Variants in ULK4 observed in about 807,000 individuals in gnomAD.
The protein encoded by ULK4 is inactive serine/threonine-protein kinase ULK4.
A neutral mutation model predicts 160.6 loss-of-function variants in ULK4; 133 were observed. The observed-to-expected ratio is 0.83, with a 90% confidence interval of 0.72 to 0.96. The LOEUF (loss-of-function observed/expected upper bound fraction) is 0.96, where lower values mean the gene tolerates loss of function less well. Among genes scored for constraint, ULK4 ranks in the 40% least tolerant of loss-of-function variants. The pLI is 0.00. For missense variants in ULK4, 1,580 were observed against 1,499.5 expected (o/e 1.05, Z -0.89); for synonymous variants, 534 against 539.8 (o/e 0.99, Z 0.15).
chr3:41,870,858 A>G (rs377068273), intron 17 of ULK4, among the ~76,000 whole-genome samples: 2 of 152,212 alleles, frequency 1.3e-5, no homozygotes, highest in African/African-American at 4.8e-5. Context: ...GTCCCCACCC[A>G]AATCTCACCC....
At chr3:41,704,992 T>A in intron 27 of ULK4, 65 bp downstream of exon 27, 1 of 1,337,760 alleles carries the variant, frequency 7.5e-7, no homozygotes, top group Non-Finnish European at 1.0e-6. Flanking sequence ...AAACGAGGCC[T>A]CTTTATATAA....
intron 32 of ULK4, among the ~76,000 whole-genome samples, chr3:41,485,297 CAAAA>C (rs2084484395): frequency 6.6e-6 from 1 of 152,018 alleles, no homozygotes; most frequent in Non-Finnish European, 1.5e-5. Flanking sequence ...AACAAACAAA[CAAAA>C]AACCAACAAC....
At chr3:41,871,160 C>T (rs921900412) in intron 17 of ULK4, among the ~76,000 whole-genome samples, 9 of 152,222 alleles carry the variant, frequency 5.9e-5, no homozygotes, top group Middle Eastern at 6.8e-3. Context: ...TTCATATCAG[C>T]ATAAGAATGA....
chr3:41,925,615 T>C (rs986845261), intron 5 of ULK4, among the ~76,000 whole-genome samples: 9 of 151,912 alleles, frequency 5.9e-5, no homozygotes, highest in African/African-American at 2.2e-4. Flanking sequence ...GCTCAGCGGG[T>C]CCCACCCCCA....
intron 2 of ULK4, among the ~76,000 whole-genome samples, chr3:41,952,613 G>A (rs1354105196): frequency 6.6e-6 from 1 of 152,110 alleles, no homozygotes; most frequent in Non-Finnish European, 1.5e-5. Flanking sequence ...GTGCACTGAT[G>A]GTCTGGAATG....
At chr3:41,651,037 C>T (rs1403730121) in intron 30 of ULK4, among the ~76,000 whole-genome samples, 1 of 152,020 alleles carries the variant, frequency 6.6e-6, no homozygotes. Flanking sequence ...ATTGATGTTC[C>T]CTGTCTCTAC....
intron 16 of ULK4, among the ~76,000 whole-genome samples, chr3:41,891,770 T>C (rs1575897951): frequency 6.6e-6 from 1 of 152,202 alleles, no homozygotes; most frequent in African/African-American, 2.4e-5. Context: ...CCGGGCATGA[T>C]GGCAGGTGCC....
chr3:41,859,535 C>T (rs540551944), intron 17 of ULK4: 1 of 544,118 alleles, frequency 1.8e-6, no homozygotes, highest in African/African-American at 1.9e-5. Flanking sequence ...ACCAAGAAGC[C>T]AACGAAGCCC....
rs572678184 is a variant in ULK4, at chr3:41,714,932, A to G, written c.2634+305T>C. Among the ~76,000 whole-genome samples the G allele has an allele frequency of 4.6e-5, 7 of 151,846 alleles. No homozygotes were observed. The South Asian group carries it at 1.5e-3, about 32-fold the overall frequency. On this transcript the variant is annotated intron_variant, in intron 25 of 36. Coordinates refer to ENST00000301831, the MANE Select transcript of ULK4 (RefSeq NM_017886.4). ...AATGATACTATATTCCCAGCATTCC[A>G]TTTTCACCAGTTTTATTATATTTTT...
intron 18 of ULK4, among the ~76,000 whole-genome samples, chr3:41,829,332 A>C (rs1338061315): frequency 4.8e-5 from 7 of 146,440 alleles, no homozygotes; most frequent in Non-Finnish European, 7.6e-5. Context: ...TGCACAGCAA[A>C]AGAAACTACC....
chr3:41,496,668 C>T (rs2085002857), intron 32 of ULK4, among the ~76,000 whole-genome samples: 1 of 152,084 alleles, frequency 6.6e-6, no homozygotes, highest in African/African-American at 2.4e-5. Context: ...AGATGAGACT[C>T]CAGGAAGCAT....
chr3:41,263,444 T>C (rs938022409), intron 35 of ULK4, among the ~76,000 whole-genome samples: 2 of 152,164 alleles, frequency 1.3e-5, no homozygotes, highest in Admixed American at 6.5e-5. Flanking sequence ...AGTAGAGCCA[T>C]GTCAAGTCAA....
rs1159334543 is a variant in ULK4, at chr3:41,505,998, A to G, written c.3227-42745T>C. Reference sequence around the variant, plus strand: ...AATTCCCTTTTAATCTTAGTAAACCAAAAGTTTTAAATTATAAATATATGT... The same window carrying G: ...AATTCCCTTTTAATCTTAGTAAACCGAAAGTTTTAAATTATAAATATATGT... On this transcript the variant is annotated intron_variant, in intron 32 of 36. Transcript: ENST00000301831. Among the ~76,000 whole-genome samples, 5 of 152,186 alleles carry G rather than the reference A, an allele frequency of 3.3e-5. No homozygotes were observed. In the South Asian group the frequency reaches 1.0e-3, roughly 31 times the overall value.
chr3:41,375,158 T>C (rs2081457285), intron 35 of ULK4, among the ~76,000 whole-genome samples: 1 of 152,132 alleles, frequency 6.6e-6, no homozygotes, highest in East Asian at 1.9e-4. Flanking sequence ...GGAAAAACAT[T>C]CCATGGTCAT....
intron 29 of ULK4, among the ~76,000 whole-genome samples, chr3:41,680,695 TA>T (rs916051434): frequency 6.6e-6 from 1 of 152,124 alleles, no homozygotes; most frequent in Non-Finnish European, 1.5e-5. Flanking sequence ...GTTGAAACAA[TA>T]GAGGGAAGCA....
chr3:41,267,074 G>A (rs910845281), intron 35 of ULK4, among the ~76,000 whole-genome samples: 2 of 138,088 alleles, frequency 1.4e-5, no homozygotes, highest in South Asian at 2.4e-4. Flanking sequence ...CAGGATACAT[G>A]TACAGTACAT....
At chr3:41,309,990 C>A (rs1029990833) in intron 35 of ULK4, among the ~76,000 whole-genome samples, 2 of 151,676 alleles carry the variant, frequency 1.3e-5, no homozygotes, top group Non-Finnish European at 2.9e-5. Flanking sequence ...AAGGGGCAAA[C>A]AGGACTGAAG....
intron 22 of ULK4, among the ~76,000 whole-genome samples, chr3:41,723,799 C>G (rs1037451564): frequency 1.3e-5 from 2 of 152,220 alleles, no homozygotes; most frequent in Non-Finnish European, 2.9e-5. Context: ...AATTTATGCA[C>G]AGTAAATACT....
chr3:41,271,478 G>A (rs558482966), intron 35 of ULK4, among the ~76,000 whole-genome samples: 2 of 148,994 alleles, frequency 1.3e-5, no homozygotes, highest in African/African-American at 5.0e-5. Context: ...TGCAACCTCT[G>A]CCTCCTGGGT....
Sources: gnomAD v4.1 joint callset for allele counts (sites outside exome capture counted in the v4.1 genomes callset) on GRCh38, gnomAD v4.1.1 for gene constraint, MANE v1.5 for transcripts, NCBI Gene and HGNC (gene_info 2026-07-23, HGNC 2026-07-21) for gene names.